IQGAP1: variants seen among roughly 807,000 people sequenced by gnomAD.
The protein encoded by IQGAP1 is ras GTPase-activating-like protein IQGAP1.
In IQGAP1, 66 loss-of-function variants were observed where a neutral mutation model predicts 215.6. The ratio of observed to expected loss-of-function variants is 0.31; its 90% confidence interval spans 0.25 to 0.38. IQGAP1 has a LOEUF of 0.38. Ranked by LOEUF, IQGAP1 falls within the 10% of genes least tolerant of loss-of-function variation. The pLI is 1.00. For missense variants in IQGAP1, 1,712 were observed against 1,997.1 expected, an observed-to-expected ratio of 0.86 and a Z score of 2.72; for synonymous variants, 772 against 728.7, an observed-to-expected ratio of 1.06 and a Z score of -0.96.
rs1448007303 is a variant in IQGAP1, at chr15:90,491,318, T to G, written c.4249-15T>G. Reference sequence around the variant, plus strand: ...TGTGGTAAACTTGCTAAGAACTTCTTTTTCCCATCCGTAGGAAGCAGAACA... The same window carrying G: ...TGTGGTAAACTTGCTAAGAACTTCTGTTTCCCATCCGTAGGAAGCAGAACA... On this transcript the variant is annotated splice_polypyrimidine_tract_variant and intron_variant, in intron 33 of 37. Coordinates refer to ENST00000268182, the MANE Select transcript of IQGAP1 (RefSeq NM_003870.4). The G allele has an allele frequency of 6.2e-7, 1 of 1,611,128 alleles. No homozygotes were observed. Among genetic ancestry groups the G allele is most frequent in the African/African-American group, 1.3e-5 (1 of 74,818 alleles).
intron 33 of IQGAP1, among the ~76,000 whole-genome samples, chr15:90,491,012 T>C (rs1326847355): frequency 6.6e-6 from 1 of 152,176 alleles, no homozygotes; most frequent in Non-Finnish European, 1.5e-5. Context: ...GGTTTCACCG[T>C]GTTAGTCAGG....
At chr15:90,494,202 C>T (rs902588283) in intron 35 of IQGAP1, 1 of 152,256 alleles carries the variant, frequency 6.6e-6, no homozygotes, top group African/African-American at 2.4e-5. Flanking sequence ...CTGAAGTTAG[C>T]ACTTCTTGCC....
intron 20 of IQGAP1, 39 bp from the exon 21 acceptor site, chr15:90,473,857 T>C (rs752820844): frequency 6.2e-7 from 1 of 1,611,856 alleles, no homozygotes; most frequent in African/African-American, 1.3e-5. Flanking sequence ...CGTGTTGAGA[T>C]GAAGGACTCT....
At chr15:90,397,407 A>G (rs1964737393) in intron 2 of IQGAP1, among the ~76,000 whole-genome samples, 1 of 151,868 alleles carries the variant, frequency 6.6e-6, no homozygotes, top group South Asian at 2.1e-4. Context: ...TCAGGGAGTG[A>G]GCCCAAATTT....
chr15:90,485,950 C>T (rs1159369613), intron 30 of IQGAP1, 80 bp from the exon 31 acceptor site: 9 of 1,036,540 alleles, frequency 8.7e-6, no homozygotes, highest in African/African-American at 1.6e-5. Flanking sequence ...CCTCTTTGTG[C>T]AGATCATTGT....
At chr15:90,416,197 T>C (rs774397406) in intron 2 of IQGAP1, among the ~76,000 whole-genome samples, 1 of 151,034 alleles carries the variant, frequency 6.6e-6, no homozygotes, top group Non-Finnish European at 1.5e-5. Context: ...CAGGCCCCAG[T>C]GTGTGATGTT....
chr15:90,414,825 C>T (rs748120598), intron 2 of IQGAP1, among the ~76,000 whole-genome samples: 1 of 152,102 alleles, frequency 6.6e-6, no homozygotes, highest in Non-Finnish European at 1.5e-5. Flanking sequence ...CTGGACGTCC[C>T]GTTGACATTT....
intron 2 of IQGAP1, among the ~76,000 whole-genome samples, chr15:90,400,889 G>A (rs1331168981): frequency 2.0e-5 from 3 of 152,196 alleles, no homozygotes; most frequent in Non-Finnish European, 4.4e-5. Context: ...GATACCAGTT[G>A]GTAGTGGAAC....
At chr15:90,496,306 C>CTTTTTTTTTTTTTTTTTTTTTT (rs552222380) in intron 36 of IQGAP1, among the ~76,000 whole-genome samples, 24 of 106,112 alleles carry the variant, frequency 2.3e-4, no homozygotes, top group African/African-American at 8.4e-4. Context: ...AGCATAATCC[C>CTTTTTTTTTTTTTTTTTTTTTT]TTTTTTTTTT....
chr15:90,429,480 A>G (rs1965272556), intron 3 of IQGAP1, 109 bp from the exon 4 acceptor site: 1 of 774,602 alleles, frequency 1.3e-6, no homozygotes, highest in Non-Finnish European at 2.0e-6. Flanking sequence ...TGACATCAAA[A>G]TTAAGGAAAA....
At position 90,483,376 on chromosome 15, in the gene IQGAP1, C is replaced by G; in HGVS notation, c.3571C>G (p.Leu1191Val). 1 of 1,613,406 alleles carries G rather than the reference C, an allele frequency of 6.2e-7. No individual in the cohort carries two copies. Among genetic ancestry groups the G allele is most frequent in the Non-Finnish European group, 8.5e-7 (1 of 1,179,392 alleles). ...TCTGTTCCAGATTATTGGTAACTTG[C>G]TTTATTATCGATACATGAATCCAGC... Reference protein sequence around the residue: ...DELLKIIGNLLYYRYMNPAIV... With the variant: ...DELLKIIGNLVYYRYMNPAIV... The change falls in exon 29 of 38, where the codon CTT becomes GTT. Residue 1191 changes from leucine (L) to valine (V), a missense_variant. Physicochemically the swap from Leu to Val is conservative, Grantham distance 32 (BLOSUM62 1). This residue lies in a region of IQGAP1 where 691 missense variants were observed against 923.0 expected (regional missense o/e 0.75). Transcript: ENST00000268182.
intron 2 of IQGAP1, among the ~76,000 whole-genome samples, chr15:90,399,412 T>C (rs1347121732): frequency 1.3e-5 from 2 of 152,232 alleles, no homozygotes; most frequent in African/African-American, 4.8e-5. Flanking sequence ...TTTCTGTTTT[T>C]GTTATGTGCC....
At position 90,422,648 on chromosome 15, in the gene IQGAP1, A is replaced by ATATG. The variant is rs1393792269; in HGVS notation, c.156-3459_156-3458insGTAT. ...TATGTATATATATATATGTATATGTATATATATATATGTATATATATATAT... is the reference window on the plus strand; with the variant it reads ...TATGTATATATATATATGTATATGTATATGTATATATATATGTATATATATATAT... On this transcript the variant is annotated intron_variant, in intron 2 of 37. Coordinates refer to ENST00000268182, the MANE Select transcript of IQGAP1 (RefSeq NM_003870.4). 3.4e-4 allele frequency among the ~76,000 whole-genome samples: 24 copies of ATATG among 69,786 alleles called. 1 individual carries two copies. Among genetic ancestry groups the ATATG allele is most frequent in the African/African-American group, 1.5e-3 (19 of 12,336 alleles). 45.8% of individuals were successfully genotyped at this position (69,786 alleles called of 152,430 possible).
At chr15:90,404,435 C>T (rs1200245650) in intron 2 of IQGAP1, among the ~76,000 whole-genome samples, 2 of 152,074 alleles carry the variant, frequency 1.3e-5, no homozygotes, top group African/African-American at 4.8e-5. Context: ...TGTTTAAAAG[C>T]CATTTGTATG....
intron 5 of IQGAP1, 138 bp downstream of exon 5, chr15:90,433,933 T>C (rs574047615): frequency 2.1e-6 from 1 of 483,776 alleles, no homozygotes; most frequent in East Asian, 3.2e-5. Flanking sequence ...AATACTATTA[T>C]CCGAACAAAA....
intron 2 of IQGAP1, chr15:90,391,903 A>G (rs1964641129): frequency 1.3e-5 from 2 of 152,222 alleles, no homozygotes; most frequent in African/African-American, 4.8e-5. Context: ...AACGTTTAAT[A>G]AAAAGGGTGT....
intron 9 of IQGAP1, among the ~76,000 whole-genome samples, chr15:90,446,909 A>G (rs1965535025): frequency 6.6e-6 from 1 of 152,222 alleles, no homozygotes; most frequent in South Asian, 2.1e-4. Context: ...ATGTTTATAG[A>G]TATTCATTTA....
At chr15:90,388,783 A>G (rs951175861) in intron 1 of IQGAP1, among the ~76,000 whole-genome samples, 6 of 152,168 alleles carry the variant, frequency 3.9e-5, no homozygotes, top group Non-Finnish European at 8.8e-5. Flanking sequence ...TTTCGTGGAA[A>G]GGCGCTGCCC....
intron 14 of IQGAP1, among the ~76,000 whole-genome samples, chr15:90,454,803 T>C (rs1417175935): frequency 6.6e-6 from 1 of 152,200 alleles, no homozygotes; most frequent in African/African-American, 2.4e-5. Context: ...TAAATGCTGT[T>C]ATAACAAGTA....
Sources: gnomAD v4.1 joint callset for allele counts (sites outside exome capture counted in the v4.1 genomes callset) on GRCh38, gnomAD v4.1.1 for gene constraint, gnomAD v4.1.1 regional missense constraint, MANE v1.5 for transcripts, NCBI Gene and HGNC (gene_info 2026-07-23, HGNC 2026-07-21) for gene names.